Variants in SYNDIG1L observed in about 807,000 individuals in gnomAD.
SYNDIG1L encodes synapse differentiation-inducing gene protein 1-like.
In SYNDIG1L, 13 loss-of-function variants were observed where a neutral mutation model predicts 20.1. That is an observed-to-expected ratio of 0.65 (90% CI 0.42 to 1.03). SYNDIG1L has a LOEUF of 1.03. SYNDIG1L is among the 50% of genes least tolerant of loss of function. The pLI is 0.00. For synonymous variants in SYNDIG1L, 128 were observed against 129.3 expected (o/e 0.99, Z 0.07); for missense variants, 294 against 305.1 (o/e 0.96, Z 0.27).
At chr14:74,439,520 G>A in the SYNDIG1L span, among the ~76,000 whole-genome samples, 1 of 152,104 alleles carries the variant, frequency 6.6e-6, no homozygotes, top group Non-Finnish European at 1.5e-5. Flanking sequence ...TTTGTGGCGG[G>A]TTTTTAGTTA....
At chr14:74,478,232 T>C in the SYNDIG1L span, among the ~76,000 whole-genome samples, 1 of 152,164 alleles carries the variant, frequency 6.6e-6, no homozygotes, top group Non-Finnish European at 1.5e-5. Context: ...TATGTATCTG[T>C]TTATGTATTA....
chr14:74,440,069 A>G, the SYNDIG1L span, among the ~76,000 whole-genome samples: 10 of 151,826 alleles, frequency 6.6e-5, no homozygotes, highest in African/African-American at 2.2e-4. Context: ...CTACCATGGC[A>G]TTATTTTTGG....
chr14:74,413,196 A>G (rs547653622), intron 1 of SYNDIG1L, among the ~76,000 whole-genome samples: 1 of 152,302 alleles, frequency 6.6e-6, no homozygotes, highest in African/African-American at 2.4e-5. Context: ...AAGTACACCC[A>G]GCTGAGCCTC....
At chr14:74,456,777 T>C in the SYNDIG1L span, among the ~76,000 whole-genome samples, 30 of 152,000 alleles carry the variant, frequency 2.0e-4, no homozygotes, top group African/African-American at 7.2e-4. Context: ...ACGTATGCAA[T>C]AGGACTTCCT....
the SYNDIG1L span, chr14:74,474,196 G>A: frequency 2.0e-5 from 3 of 152,362 alleles, no homozygotes; most frequent in South Asian, 6.2e-4. Flanking sequence ...GCTGAAAGAG[G>A]TTAAATGGTT....
chr14:74,472,240 C>T, the SYNDIG1L span: 6 of 152,342 alleles, frequency 3.9e-5, no homozygotes, highest in African/African-American at 1.4e-4. Context: ...TTCCTTTCTT[C>T]ACCCTCTAGT....
chr14:74,441,421 A>G, the SYNDIG1L span, among the ~76,000 whole-genome samples: 2 of 152,230 alleles, frequency 1.3e-5, no homozygotes, highest in African/African-American at 4.8e-5. Flanking sequence ...GTTTGGGGCT[A>G]GGAGTTCTAA....
the SYNDIG1L span, among the ~76,000 whole-genome samples, chr14:74,451,639 T>C: frequency 6.6e-6 from 1 of 152,150 alleles, no homozygotes; most frequent in Non-Finnish European, 1.5e-5. Flanking sequence ...GATAAGCCAT[T>C]GTTTGGGAGA....
chr14:74,463,794 G>A, the SYNDIG1L span, among the ~76,000 whole-genome samples: 1 of 152,208 alleles, frequency 6.6e-6, no homozygotes, highest in South Asian at 2.1e-4. Context: ...TGACAGAAAT[G>A]ACAGATCCAG....
rs1001390443 is a variant in SYNDIG1L at position 74,417,881 on chromosome 14, G to A, written c.-58+8031C>T. Among the ~76,000 whole-genome samples, 3 of 152,146 alleles carry A rather than the reference G, an allele frequency of 2.0e-5. No homozygotes were observed. In the East Asian group the frequency reaches 5.8e-4, roughly 29 times the overall value. ...TTAAGAGATTTAGGGTGATTTAGCA[G>A]CCCAGGGGTAGCTGCCTAGATAACC... On this transcript the variant is annotated intron_variant, in intron 1 of 3. Coordinates refer to ENST00000331628, the MANE Select transcript of SYNDIG1L (RefSeq NM_001105579.2).
intron 2 of SYNDIG1L, among the ~76,000 whole-genome samples, chr14:74,409,042 C>A (rs1479692424): frequency 6.9e-6 from 1 of 144,348 alleles, no homozygotes. Context: ...GCTCTGGGAA[C>A]TTGCATTTTA....
rs977765540 is a variant in SYNDIG1L, at chr14:74,406,143, C to A, written c.*1392G>T. On this transcript the variant is annotated 3_prime_UTR_variant, in exon 4 of 4. Transcript: ENST00000331628. ...ACAGGCCTGCCCACATTGGTGCTGC[C>A]CCCCGCCTACCTGGAGATGTCTCTA... 6 of 398,672 alleles carry A rather than the reference C, an allele frequency of 1.5e-5. No individual in the cohort carries two copies. The highest frequency in any genetic ancestry group is 1.0e-4 in the African/African-American group (5 of 48,572). 24.7% of individuals were successfully genotyped at this position (398,672 alleles called of 1,614,324 possible). A position where few individuals can be genotyped will look rare whatever the true frequency, so the allele number is the denominator to read the frequency against.
the SYNDIG1L span, among the ~76,000 whole-genome samples, chr14:74,453,352 CAAAAAAAAAAAAAAAAAAAAAAAAAAAA>C: frequency 3.7e-5 from 1 of 26,760 alleles, no homozygotes; most frequent in African/African-American, 1.0e-4. Context: ...GACTCTGTCT[CAAAAAAAAAAAAAAAAAAAAAAAAAAAA>C]AAAAAAAAAA....
the SYNDIG1L span, among the ~76,000 whole-genome samples, chr14:74,455,505 C>G: frequency 6.6e-6 from 1 of 151,282 alleles, no homozygotes; most frequent in Non-Finnish European, 1.5e-5. Flanking sequence ...AAGCGATTCT[C>G]GCCTCCCGAG....
chr14:74,409,711 G>T lies in SYNDIG1L; in HGVS notation c.34C>A (p.Leu12Met). The change falls in exon 2 of 4, where the codon CTG (leucine) becomes ATG (methionine). Residue 12 changes from leucine to methionine, a missense_variant. Coordinates refer to ENST00000331628, the MANE Select transcript of SYNDIG1L (RefSeq NM_001105579.2). The part of the protein sequence containing the change: ...ESLSELQNPL[L>M]PRSPAHLHGP... ...TGGAGATGGGCAGGGCTCCTGGGCA[G>T]CAGCGGGTTCTGTAGTTCACTCAGA... is the stretch of plus-strand genomic sequence containing the variant. The T allele has an allele frequency of 6.8e-7, 1 of 1,469,470 alleles. No homozygotes were observed. The allele number at this position is 1,469,470 out of a possible 1,614,324, so 91.0% of individuals were successfully genotyped here. A position where few individuals can be genotyped will look rare whatever the true frequency, so the allele number is the denominator to read the frequency against.
intron 1 of SYNDIG1L, among the ~76,000 whole-genome samples, chr14:74,424,891 G>T (rs2086252810): frequency 6.6e-6 from 1 of 152,142 alleles, no homozygotes; most frequent in Non-Finnish European, 1.5e-5. Context: ...CACTCCAGGG[G>T]TGAGGAGGAT....
the SYNDIG1L span, among the ~76,000 whole-genome samples, chr14:74,466,042 G>A: frequency 6.6e-6 from 1 of 152,184 alleles, no homozygotes; most frequent in Admixed American, 6.5e-5. Context: ...GAGAAGCGCA[G>A]CCTGACTGCT....
upstream of SYNDIG1L, among the ~76,000 whole-genome samples, chr14:74,426,505 A>T (rs2086267957): frequency 6.6e-6 from 1 of 152,126 alleles, no homozygotes; most frequent in Admixed American, 6.5e-5. Flanking sequence ...GGGCTTCTTG[A>T]AGCATTTTGG....
At chr14:74,427,605 C>T (rs555348777), upstream of SYNDIG1L, among the ~76,000 whole-genome samples, 1 of 152,220 alleles carries the variant, frequency 6.6e-6, no homozygotes, top group African/African-American at 2.4e-5. Flanking sequence ...TTGTTGGGTG[C>T]TAAATATATT....
Sources: gnomAD v4.1 joint callset for allele counts (sites outside exome capture counted in the v4.1 genomes callset) on GRCh38, gnomAD v4.1.1 for gene constraint, MANE v1.5 for transcripts, NCBI Gene and HGNC (gene_info 2026-07-23, HGNC 2026-07-21) for gene names.